PLD1: variants seen among roughly 807,000 people sequenced by gnomAD.
PLD1 encodes choline phosphatase 1.
A neutral mutation model predicts 137.1 loss-of-function variants in PLD1; 112 were observed. The ratio of observed to expected loss-of-function variants is 0.82; its 90% CI spans 0.70 to 0.96. PLD1 has a LOEUF of 0.96. PLD1 is among the 40% of genes least tolerant of loss of function. PLD1 has a pLI of 0.00. For missense variants in PLD1, 1,321 were observed against 1,342.0 expected (o/e 0.98, Z 0.24); for synonymous variants, 431 against 454.7 (o/e 0.95, Z 0.66).
intron 8 of PLD1, among the ~76,000 whole-genome samples, chr3:171,715,983 GT>G (rs1717657091): frequency 6.8e-6 from 1 of 146,958 alleles, no homozygotes; most frequent in Non-Finnish European, 1.5e-5. Flanking sequence ...ATGAGTTCTC[GT>G]TATTTAGCTC....
intron 21 of PLD1, chr3:171,654,259 C>T (rs1005642822): frequency 7.9e-6 from 2 of 253,664 alleles, no homozygotes; most frequent in Non-Finnish European, 1.5e-5. Flanking sequence ...GCCAAGATCA[C>T]ACCACTGCAC....
At chr3:171,671,095 G>A (rs1712696977) in intron 19 of PLD1, among the ~76,000 whole-genome samples, 1 of 152,208 alleles carries the variant, frequency 6.6e-6, no homozygotes, top group African/African-American at 2.4e-5. Context: ...GGCATGCTGA[G>A]GCCACATGCT....
intron 1 of PLD1, among the ~76,000 whole-genome samples, chr3:171,766,632 T>C (rs1015206448): frequency 5.3e-5 from 8 of 152,214 alleles, no homozygotes; most frequent in Non-Finnish European, 7.4e-5. Context: ...TTTATGTTTT[T>C]ATTATTTGCA....
intron 11 of PLD1, 82 bp from the exon 12 acceptor site, chr3:171,699,908 C>T (rs1716091770): frequency 9.5e-7 from 1 of 1,051,678 alleles, no homozygotes. Context: ...AAGGCAATTT[C>T]AGCCCAATTC....
chr3:171,686,814 A>AT lies in PLD1; in HGVS notation c.1754-17dup. ...TTAAAATAACCTAGAGAAATTAAGA[A>AT]TTTTTTTACAAAAAAATACAAATAT... On this transcript the variant is annotated splice_polypyrimidine_tract_variant and intron_variant, in intron 15 of 26. Transcript: ENST00000351298. The AT allele has an allele frequency of 1.6e-6, 2 of 1,236,502 alleles. No individual in the cohort carries two copies. Among genetic ancestry groups the AT allele is most frequent in the East Asian group, 2.4e-5 (1 of 42,468 alleles). 76.6% of individuals were successfully genotyped at this position (1,236,502 alleles called of 1,614,324 possible). A position where few individuals can be genotyped will look rare whatever the true frequency, so the allele number is the denominator to read the frequency against.
At chr3:171,768,414 T>C (rs966867854) in intron 1 of PLD1, among the ~76,000 whole-genome samples, 7 of 152,152 alleles carry the variant, frequency 4.6e-5, no homozygotes, top group African/African-American at 1.7e-4. Flanking sequence ...TACATGAAGC[T>C]GACAAGGCTA....
chr3:171,709,700 A>C lies in PLD1; in HGVS notation c.921T>G (p.Ile307Met). The change falls in exon 10 of 27, where the codon ATT becomes ATG. Residue 307 changes from isoleucine (I) to methionine (M), a missense_variant. Transcript: ENST00000351298. ...CATGTCTATAGCTGTTGCATTTTAA[A>C]ATAAGTGTCCTTTAAAGAAAAAGCC... ...IRIDNLSRTL[I>M]LKCNSYRHAR... The C allele has an allele frequency of 6.2e-7, 1 of 1,612,154 alleles. No homozygotes were observed. The highest frequency in any genetic ancestry group is 8.5e-7 in the Non-Finnish European group (1 of 1,179,446).
intron 1 of PLD1, among the ~76,000 whole-genome samples, chr3:171,757,186 G>A (rs1721085610): frequency 6.6e-6 from 1 of 152,102 alleles, no homozygotes. Flanking sequence ...TAATTCCACT[G>A]TTTTCTTCTG....
chr3:171,605,857 A>G (rs940271064), intron 25 of PLD1, among the ~76,000 whole-genome samples: 1 of 152,224 alleles, frequency 6.6e-6, no homozygotes, highest in Non-Finnish European at 1.5e-5. Context: ...CACATACTTG[A>G]TAGGCTGAAA....
intron 6 of PLD1, 99 bp from the exon 7 acceptor site, chr3:171,726,175 G>T: frequency 1.3e-6 from 1 of 758,822 alleles, no homozygotes; most frequent in Non-Finnish European, 2.3e-6. Flanking sequence ...TATACTGTTT[G>T]GTGTGCTCCA....
chr3:171,735,761 A>C, intron 3 of PLD1, 124 bp from the exon 4 acceptor site: 2 of 605,080 alleles, frequency 3.3e-6, no homozygotes, highest in Non-Finnish European at 5.9e-6. Flanking sequence ...TATTTTGTGT[A>C]AGTACTTAAG....
At chr3:171,699,851 A>G in intron 11 of PLD1, 25 bp from the exon 12 acceptor site, 1 of 1,560,646 alleles carries the variant, frequency 6.4e-7, no homozygotes, top group South Asian at 1.1e-5. Flanking sequence ...CCAAGATTTT[A>G]AGTAACTAAA....
At chr3:171,632,590 T>TAA (rs547750406) in intron 23 of PLD1, among the ~76,000 whole-genome samples, 1 of 146,276 alleles carries the variant, frequency 6.8e-6, no homozygotes. Flanking sequence ...TGACTCAGGG[T>TAA]AAAAAAAAAA....
chr3:171,773,836 C>T (rs1335669615), intron 1 of PLD1, among the ~76,000 whole-genome samples: 3 of 152,016 alleles, frequency 2.0e-5, no homozygotes, highest in Non-Finnish European at 2.9e-5. Flanking sequence ...GCAACCTCCG[C>T]CTCCTGGGTT....
In PLD1 at chr3:171,673,141, C is replaced by T. The variant is rs561496040; in HGVS notation, c.2229+1359G>A. Among the ~76,000 whole-genome samples, 26 of 152,210 alleles carry T rather than the reference C, an allele frequency of 1.7e-4. No homozygotes were observed. In the South Asian group the frequency reaches 2.7e-3, roughly 16 times the overall value. On this transcript the variant is annotated intron_variant, in intron 19 of 26. Coordinates refer to ENST00000351298, the MANE Select transcript of PLD1 (RefSeq NM_002662.5). ...AGCATTGGTAATTTTTTCTCCTCTA[C>T]GTAGAATAAAATTAAACAGGTTCAT...
At chr3:171,795,204 T>C (rs1253744963) in intron 1 of PLD1, among the ~76,000 whole-genome samples, 2 of 152,208 alleles carry the variant, frequency 1.3e-5, no homozygotes, top group Non-Finnish European at 2.9e-5. Context: ...AAGTGCAAAC[T>C]GACAGGCCCA....
Position 171,674,380 on chromosome 3 carries a change from G to A in PLD1, c.2229+120C>T, listed in dbSNP as rs1713110773. ...TAACAAGTATTAAAAGATCCATTTAGTTTTGCTTTAGAAAAGCAGTCATTG... is the reference window on the plus strand; with the variant it reads ...TAACAAGTATTAAAAGATCCATTTAATTTTGCTTTAGAAAAGCAGTCATTG... On this transcript the variant is annotated intron_variant, in intron 19 of 26. Coordinates refer to ENST00000351298, the MANE Select transcript of PLD1 (RefSeq NM_002662.5). 8.0e-6 allele frequency: 4 copies of A among 500,624 alleles called. No individual in the cohort carries two copies. The East Asian group carries it at 1.3e-4, about 16-fold the overall frequency. The allele number at this position is 500,624 out of a possible 1,614,324, so 31.0% of individuals were successfully genotyped here.
chr3:171,602,925 A>G lies in PLD1; in HGVS notation c.*153T>C, dbSNP rs2108244602. On this transcript the variant is annotated 3_prime_UTR_variant, in exon 27 of 27. Transcript: ENST00000351298. Reference sequence around the variant, plus strand: ...GCTGATGTTTACAGTCCTTACATCAATGTGACTGCAGCCCTCCCCAGTCAT... The same window carrying G: ...GCTGATGTTTACAGTCCTTACATCAGTGTGACTGCAGCCCTCCCCAGTCAT... 1 of 616,684 alleles carries G rather than the reference A, an allele frequency of 1.6e-6. No individual in the cohort carries two copies. Among genetic ancestry groups the G allele is most frequent in the Non-Finnish European group, 2.9e-6 (1 of 347,998 alleles). 38.2% of individuals were successfully genotyped at this position (616,684 alleles called of 1,614,324 possible).
intron 23 of PLD1, among the ~76,000 whole-genome samples, 182 bp from the exon 24 acceptor site, chr3:171,620,702 G>C (rs1335543154): frequency 1.4e-5 from 2 of 140,064 alleles, no homozygotes; most frequent in African/African-American, 2.6e-5. Flanking sequence ...ATTTCATATT[G>C]TCAGTCTGAA....
Sources: gnomAD v4.1 joint callset for allele counts (sites outside exome capture counted in the v4.1 genomes callset) on GRCh38, gnomAD v4.1.1 for gene constraint, MANE v1.5 for transcripts, NCBI Gene and HGNC (gene_info 2026-07-23, HGNC 2026-07-21) for gene names.